The following OPCML variants were observed in gnomAD, a reference collection of about 807,000 sequenced individuals.
OPCML encodes the protein opioid binding protein/cell adhesion molecule like, also known as opioid-binding protein/cell adhesion molecule.
A neutral mutation model predicts 37.8 loss-of-function variants in OPCML; 13 were observed. That is an observed-to-expected ratio of 0.34 (90% confidence interval 0.22 to 0.55). The LOEUF (loss-of-function observed/expected upper bound fraction) is 0.55, where lower values mean the gene tolerates loss of function less well. Ranked by LOEUF, OPCML falls within the 20% of genes least tolerant of loss-of-function variation. The pLI is 0.91. For synonymous variants in OPCML, 176 were observed against 168.8 expected (o/e 1.04, Z -0.33); for missense variants, 341 against 435.6 (o/e 0.78, Z 1.93).
intron 1 of OPCML, among the ~76,000 whole-genome samples, chr11:133,507,711 G>A (rs556497427): frequency 2.6e-5 from 4 of 152,082 alleles, no homozygotes; most frequent in African/African-American, 9.7e-5. Flanking sequence ...TTGGGAGGCC[G>A]AGGCGGGCGG....
chr11:133,456,551 A>T (rs568184755), intron 1 of OPCML, among the ~76,000 whole-genome samples: 3 of 152,320 alleles, frequency 2.0e-5, no homozygotes, highest in African/African-American at 7.2e-5. Context: ...GAACAAAATA[A>T]TTTCCAGAAA....
intron 3 of OPCML, among the ~76,000 whole-genome samples, chr11:132,539,950 G>GTGATGA (rs543337879): frequency 2.0e-5 from 3 of 151,836 alleles, no homozygotes; most frequent in Non-Finnish European, 4.4e-5. Flanking sequence ...GATTGTGGTA[G>GTGATGA]TGATGATGAT....
chr11:133,239,870 T>TGCTC (rs1940659554), intron 1 of OPCML, among the ~76,000 whole-genome samples: 1 of 152,158 alleles, frequency 6.6e-6, no homozygotes, highest in Non-Finnish European at 1.5e-5. Context: ...TGGGTGTGTG[T>TGCTC]GCTCGCAAGC....
chr11:132,491,601 T>G (rs552126969), intron 4 of OPCML, among the ~76,000 whole-genome samples: 22 of 152,372 alleles, frequency 1.4e-4, no homozygotes, highest in African/African-American at 4.8e-4. Flanking sequence ...TTGTTTTATT[T>G]TTATTCATAG....
chr11:133,027,208 C>A (rs1947570524), intron 1 of OPCML, among the ~76,000 whole-genome samples: 3 of 152,220 alleles, frequency 2.0e-5, no homozygotes, highest in African/African-American at 7.2e-5. Flanking sequence ...CTCTCAGCTT[C>A]GAGCAAACTG....
intron 2 of OPCML, among the ~76,000 whole-genome samples, chr11:132,929,477 A>G (rs1408376795): frequency 2.6e-5 from 4 of 152,146 alleles, no homozygotes; most frequent in Non-Finnish European, 4.4e-5. Context: ...AAACATTTAT[A>G]GGAGAATTAA....
chr11:133,296,992 G>A (rs750550908), intron 1 of OPCML, among the ~76,000 whole-genome samples: 4 of 152,140 alleles, frequency 2.6e-5, no homozygotes, highest in Non-Finnish European at 5.9e-5. Context: ...ACCATGAACA[G>A]TTGCAAACCC....
intron 1 of OPCML, among the ~76,000 whole-genome samples, chr11:133,416,954 G>A (rs569130688): frequency 2.6e-5 from 4 of 152,190 alleles, no homozygotes; most frequent in African/African-American, 9.6e-5. Flanking sequence ...AGGTGGGTGG[G>A]GGCTGTGGAT....
intron 1 of OPCML, among the ~76,000 whole-genome samples, chr11:133,271,299 C>A (rs1941823699): frequency 6.6e-6 from 1 of 152,164 alleles, no homozygotes; most frequent in South Asian, 2.1e-4. Context: ...CCTCTCTTGC[C>A]ATTTTCAAAG....
At chr11:133,408,995 T>C (rs766046499) in intron 1 of OPCML, among the ~76,000 whole-genome samples, 31 of 152,214 alleles carry the variant, frequency 2.0e-4, no homozygotes, top group Admixed American at 9.2e-4. Flanking sequence ...TAAACTTAGA[T>C]GCCAGACTTC....
intron 2 of OPCML, among the ~76,000 whole-genome samples, chr11:132,796,221 C>T (rs571988866): frequency 1.3e-5 from 2 of 152,210 alleles, no homozygotes; most frequent in African/African-American, 4.8e-5. Flanking sequence ...GACAAATGCA[C>T]TTCATTTATT....
intron 3 of OPCML, among the ~76,000 whole-genome samples, chr11:132,579,235 C>T (rs925778722): frequency 2.0e-5 from 3 of 152,118 alleles, no homozygotes; most frequent in Non-Finnish European, 2.9e-5. Context: ...CTCCTGGGCA[C>T]TTTAGAAGTA....
intron 1 of OPCML, among the ~76,000 whole-genome samples, chr11:133,334,463 A>G (rs1943697772): frequency 6.6e-6 from 1 of 152,128 alleles, no homozygotes; most frequent in African/African-American, 2.4e-5. Flanking sequence ...ATGAACAAAA[A>G]GAAGGAAACA....
At chr11:133,046,738 G>A (rs554116502) in intron 1 of OPCML, among the ~76,000 whole-genome samples, 4 of 152,150 alleles carry the variant, frequency 2.6e-5, no homozygotes, top group Non-Finnish European at 5.9e-5. Context: ...GTTGTGGGCT[G>A]TAGCATTTTA....
At chr11:132,995,273 A>G (rs1946860245) in intron 1 of OPCML, among the ~76,000 whole-genome samples, 1 of 152,190 alleles carries the variant, frequency 6.6e-6, no homozygotes, top group South Asian at 2.1e-4. Flanking sequence ...TGACAACCCA[A>G]ATGAACTGTG....
In OPCML at chr11:133,375,211, A is replaced by G. The variant is rs548609298; in HGVS notation, c.61+157053T>C. Among the ~76,000 whole-genome samples, 5 of 152,306 alleles carry G rather than the reference A, an allele frequency of 3.3e-5. No homozygotes were observed. In the East Asian group the frequency reaches 7.7e-4, roughly 24 times the overall value. ...GTGCTAGATGTACTACCGTCTCACAACACACAACACTTAGCGAGCACGCAT... is the reference window on the plus strand; with the variant it reads ...GTGCTAGATGTACTACCGTCTCACAGCACACAACACTTAGCGAGCACGCAT... On this transcript the variant is annotated intron_variant, in intron 1 of 7. Transcript: ENST00000524381.
intron 1 of OPCML, among the ~76,000 whole-genome samples, chr11:133,437,325 G>A (rs994306955): frequency 2.6e-5 from 4 of 152,050 alleles, no homozygotes; most frequent in Admixed American, 1.3e-4. Context: ...ATGAGATGGC[G>A]GGCAGAAGCT....
intron 1 of OPCML, among the ~76,000 whole-genome samples, chr11:133,340,557 T>G (rs1056347864): frequency 1.7e-4 from 26 of 152,286 alleles, no homozygotes; most frequent in Non-Finnish European, 7.3e-5. Flanking sequence ...GTTCTTTATA[T>G]TAATAGCTGA....
chr11:132,572,498 T>C (rs899233296), intron 3 of OPCML, among the ~76,000 whole-genome samples: 3 of 152,290 alleles, frequency 2.0e-5, no homozygotes, highest in Admixed American at 2.0e-4. Context: ...ACAGCCTTGA[T>C]AGATAAGAGT....
Sources: allele counts gnomAD v4.1 joint callset (sites outside exome capture counted in the v4.1 genomes callset), GRCh38; gene constraint gnomAD v4.1.1; transcripts MANE v1.5; gene names NCBI Gene and HGNC (gene_info 2026-07-23, HGNC 2026-07-21).